Variants in NUPR1 observed in about 807,000 individuals in gnomAD.
NUPR1 encodes the protein nuclear protein 1, transcriptional regulator, also known as nuclear protein 1.
In NUPR1, 8 loss-of-function variants were observed where a neutral mutation model predicts 7.3. That is an observed-to-expected ratio of 1.09 (90% CI 0.64 to 1.97). NUPR1 has a LOEUF of 1.97. Among genes scored for constraint, NUPR1 ranks in the 30% most tolerant of loss-of-function variants. The pLI is 0.00. For missense variants in NUPR1, 96 were observed against 111.7 expected (o/e 0.86, Z 0.63); for synonymous variants, 39 against 44.5 (o/e 0.88, Z 0.49).
rs1240530852 is a variant in NUPR1, at chr16:28,534,707, T to A, written c.*2976A>T. The A allele has an allele frequency of 6.6e-6, 1 of 152,212 alleles. No individual in the cohort carries two copies. Among genetic ancestry groups the A allele is most frequent in the Non-Finnish European group, 1.5e-5 (1 of 68,040 alleles). The allele number at this position is 152,212 out of a possible 1,614,324, so 9.4% of individuals were successfully genotyped here. On this transcript the variant is annotated 3_prime_UTR_variant, in exon 3 of 3. Transcript: ENST00000324873. ...GTTGGGTGTGGCCATGTAGCCACAT[T>A]CGGAGCAGATGTGATGTGTTCTACT...
In NUPR1 at chr16:28,535,515, C is replaced by CTTTCTTTCTTTCTT. The variant is rs1555472514; in HGVS notation, c.*2154_*2167dup. On this transcript the variant is annotated 3_prime_UTR_variant, in exon 3 of 3. Coordinates refer to ENST00000324873, the MANE Select transcript of NUPR1 (RefSeq NM_012385.3). ...CCGGGGCTCGCTCTTTTCTTTCTTT[C>CTTTCTTTCTTTCTT]TTTCTTTCTTTCTTTCTTTCTTTCT... 3 of 67,674 alleles carry CTTTCTTTCTTTCTT rather than the reference C, an allele frequency of 4.4e-5. No individual in the cohort carries two copies. The Admixed American group carries it at 5.6e-4, about 13-fold the overall frequency. 4.2% of individuals were successfully genotyped at this position (67,674 alleles called of 1,614,324 possible).
At chr16:28,537,777 A>C in intron 2 of NUPR1, 108 bp from the exon 3 acceptor site, 1 of 494,734 alleles carries the variant, frequency 2.0e-6, no homozygotes, top group Non-Finnish European at 3.6e-6. Flanking sequence ...CACCCTCTCT[A>C]TCCTCAATTT....
rs2046617524 is a variant in NUPR1, at chr16:28,535,685, T to C, written c.*1998A>G. ...TCTTTCTTTTCTTTCTTCCTTCCTTTCTTTTCCTTCCTTCCTTCTTTTTCT... is the reference window on the plus strand; with the variant it reads ...TCTTTCTTTTCTTTCTTCCTTCCTTCCTTTTCCTTCCTTCCTTCTTTTTCT... On this transcript the variant is annotated 3_prime_UTR_variant, in exon 3 of 3. Transcript: ENST00000324873. 6.7e-6 allele frequency: 1 copy of C among 150,040 alleles called. No homozygotes were observed. Among genetic ancestry groups the C allele is most frequent in the South Asian group, 2.1e-4 (1 of 4,742 alleles). 9.3% of individuals were successfully genotyped at this position (150,040 alleles called of 1,614,324 possible).
rs1317803055 is a variant in NUPR1 at position 28,535,868 on chromosome 16, T to C, written c.*1815A>G. On this transcript the variant is annotated 3_prime_UTR_variant, in exon 3 of 3. Coordinates refer to ENST00000324873, the MANE Select transcript of NUPR1 (RefSeq NM_012385.3). ...CTAGGACTACAGGCATGAGCCACCA[T>C]GCTTTGCTAATTTTTAAATTTTTGT... 1 of 151,984 alleles carries C rather than the reference T, an allele frequency of 6.6e-6. No homozygotes were observed. The highest frequency in any genetic ancestry group is 1.5e-5 in the Non-Finnish European group (1 of 68,066). 9.4% of individuals were successfully genotyped at this position (151,984 alleles called of 1,614,324 possible).
rs1403953655 is a variant in NUPR1 at position 28,537,336 on chromosome 16, CAAAG to C, written c.*343_*346del. ...ACACACATGCCCGAACAAAAACACACAAAGAACAAGGATGAACACACACCCAAGC... is the reference window on the plus strand; with the variant it reads ...ACACACATGCCCGAACAAAAACACACAACAAGGATGAACACACACCCAAGC... On this transcript the variant is annotated 3_prime_UTR_variant, in exon 3 of 3. Coordinates refer to ENST00000324873, the MANE Select transcript of NUPR1 (RefSeq NM_012385.3). The C allele has an allele frequency of 6.6e-6, 1 of 152,314 alleles. No homozygotes were observed. Among genetic ancestry groups the C allele is most frequent in the Non-Finnish European group, 1.5e-5 (1 of 68,094 alleles). 9.4% of individuals were successfully genotyped at this position (152,314 alleles called of 1,614,324 possible). A position where few individuals can be genotyped will look rare whatever the true frequency, so the allele number is the denominator to read the frequency against.
rs2046615155 is a variant in NUPR1 at position 28,535,605 on chromosome 16, TTTCTTTCTTTCTTTCTTC to T, written c.*2060_*2077del. On this transcript the variant is annotated 3_prime_UTR_variant, in exon 3 of 3. Coordinates refer to ENST00000324873, the MANE Select transcript of NUPR1 (RefSeq NM_012385.3). ...CTTTCTTTCTTTCTTTCTTTCTTTCTTTCTTTCTTTCTTTCTTCTCTTTCTCTCTCTTTCTTCTTTTTC... is the reference window on the plus strand; with the variant it reads ...CTTTCTTTCTTTCTTTCTTTCTTTCTTCTTTCTCTCTCTTTCTTCTTTTTC... 2 of 6,134 alleles carry T rather than the reference TTTCTTTCTTTCTTTCTTC, an allele frequency of 3.3e-4. No individual in the cohort carries two copies. The highest frequency in any genetic ancestry group is 5.3e-3 in the Non-Finnish European group (2 of 380). 0.4% of individuals were successfully genotyped at this position (6,134 alleles called of 1,614,324 possible).
Position 28,535,514 on chromosome 16 carries a change from T to A in NUPR1, c.*2169A>T, listed in dbSNP as rs1264700073. The A allele has an allele frequency of 3.0e-5, 2 of 66,270 alleles. No individual in the cohort carries two copies. Among genetic ancestry groups the A allele is most frequent in the African/African-American group, 1.1e-4 (2 of 18,488 alleles). 4.1% of individuals were successfully genotyped at this position (66,270 alleles called of 1,614,324 possible). A position where few individuals can be genotyped will look rare whatever the true frequency, so the allele number is the denominator to read the frequency against. ...GCCGGGGCTCGCTCTTTTCTTTCTT[T>A]CTTTCTTTCTTTCTTTCTTTCTTTC... On this transcript the variant is annotated 3_prime_UTR_variant, in exon 3 of 3. Coordinates refer to ENST00000324873, the MANE Select transcript of NUPR1 (RefSeq NM_012385.3).
Position 28,535,191 on chromosome 16 carries a change from G to C in NUPR1, c.*2492C>G, listed in dbSNP as rs1310074328. 1 of 152,142 alleles carries C rather than the reference G, an allele frequency of 6.6e-6. No homozygotes were observed. Among genetic ancestry groups the C allele is most frequent in the African/African-American group, 2.4e-5 (1 of 41,424 alleles). The allele number at this position is 152,142 out of a possible 1,614,324, so 9.4% of individuals were successfully genotyped here. A position where few individuals can be genotyped will look rare whatever the true frequency, so the allele number is the denominator to read the frequency against. ...CCCACCTCATATCTGAAGACAATAA[G>C]ATCCCTGAATATGAGCCCTGAGTGA... On this transcript the variant is annotated 3_prime_UTR_variant, in exon 3 of 3. Transcript: ENST00000324873.
Position 28,535,568 on chromosome 16 carries a change from C to CTTCTTTCTTTCT in NUPR1, c.*2114_*2115insAGAAAGAAAGAA, listed in dbSNP as rs1596586532. ...CCTTCTTTCTTTCTTTCTTTCCTTCCTTCCTTTCTTTCTTTCTTTCTTTCT... is the reference window on the plus strand; with the variant it reads ...CCTTCTTTCTTTCTTTCTTTCCTTCCTTCTTTCTTTCTTTCCTTTCTTTCTTTCTTTCTTTCT... On this transcript the variant is annotated 3_prime_UTR_variant, in exon 3 of 3. Transcript: ENST00000324873. 7.1e-4 allele frequency: 25 copies of CTTCTTTCTTTCT among 34,990 alleles called. No homozygotes were observed. Among genetic ancestry groups the CTTCTTTCTTTCT allele is most frequent in the Non-Finnish European group, 1.3e-3 (18 of 13,966 alleles). The allele number at this position is 34,990 out of a possible 1,614,324, so 2.2% of individuals were successfully genotyped here.
rs557711068 is a variant in NUPR1 at position 28,535,703 on chromosome 16, C to T, written c.*1980G>A. ...CTTCCTTTCTTTTCCTTCCTTCCTT[C>T]TTTTTCTCTTTCTTTCTTTCTTTCT... On this transcript the variant is annotated 3_prime_UTR_variant, in exon 3 of 3. Coordinates refer to ENST00000324873, the MANE Select transcript of NUPR1 (RefSeq NM_012385.3). 2 of 141,442 alleles carry T rather than the reference C, an allele frequency of 1.4e-5. No homozygotes were observed. The highest frequency in any genetic ancestry group is 2.0e-4 in the East Asian group (1 of 4,898). 8.8% of individuals were successfully genotyped at this position (141,442 alleles called of 1,614,324 possible). A position where few individuals can be genotyped will look rare whatever the true frequency, so the allele number is the denominator to read the frequency against.
intron 2 of NUPR1, 67 bp from the exon 3 acceptor site, chr16:28,537,736 C>T: frequency 2.6e-6 from 1 of 387,270 alleles, no homozygotes; most frequent in Non-Finnish European, 4.8e-6. Context: ...GCCTCTCCCA[C>T]TCACTTGATT....
In NUPR1 at chr16:28,535,560, T is replaced by TTTCCTTCCTTCCTTCCTTCCTTCC. The variant is rs750713077; in HGVS notation, c.*2122_*2123insGGAAGGAAGGAAGGAAGGAAGGAA. On this transcript the variant is annotated 3_prime_UTR_variant, in exon 3 of 3. Coordinates refer to ENST00000324873, the MANE Select transcript of NUPR1 (RefSeq NM_012385.3). ...CTTTCTTTCCTTCTTTCTTTCTTTCTTTCCTTCCTTCCTTTCTTTCTTTCT... is the reference window on the plus strand; with the variant it reads ...CTTTCTTTCCTTCTTTCTTTCTTTCTTTCCTTCCTTCCTTCCTTCCTTCCTTCCTTCCTTCCTTTCTTTCTTTCT... 3.1e-4 allele frequency: 20 copies of TTTCCTTCCTTCCTTCCTTCCTTCC among 64,286 alleles called. 1 individual carries two copies. The East Asian group carries it at 5.0e-3, about 16-fold the overall frequency. 4.0% of individuals were successfully genotyped at this position (64,286 alleles called of 1,614,324 possible). A position where few individuals can be genotyped will look rare whatever the true frequency, so the allele number is the denominator to read the frequency against.
At chr16:28,538,723 G>A (rs1026704867) in intron 1 of NUPR1, 73 bp downstream of exon 1, 5 of 1,126,558 alleles carry the variant, frequency 4.4e-6, no homozygotes, top group Non-Finnish European at 6.7e-6. Flanking sequence ...AAGGAAATGA[G>A]AGGAAACAAG....
At position 28,533,788 on chromosome 16, in the gene NUPR1, G is replaced by A. The variant is rs1477735868; in HGVS notation, c.*3895C>T. On this transcript the variant is annotated 3_prime_UTR_variant, in exon 3 of 3. Transcript: ENST00000324873. ...AAAACAGAAGCTTATTTAAGGGCAG[G>A]TATGAGAGACAGATTTCAGCCCACA... is the stretch of plus-strand genomic sequence containing the variant. The A allele has an allele frequency of 2.0e-5, 3 of 152,396 alleles. No homozygotes were observed. Among genetic ancestry groups the A allele is most frequent in the African/African-American group, 4.8e-5 (2 of 41,460 alleles). The allele number at this position is 152,396 out of a possible 1,614,324, so 9.4% of individuals were successfully genotyped here.
rs1056476811 is a variant in NUPR1 at position 28,533,629 on chromosome 16, C to T, written c.*4054G>A. On this transcript the variant is annotated 3_prime_UTR_variant, in exon 3 of 3. Coordinates refer to ENST00000324873, the MANE Select transcript of NUPR1 (RefSeq NM_012385.3). ...CAAGCAATCCTCCCACCTCGGCCTC[C>T]CAAAGTGCTGGGATTGCAGGTATGA... is the stretch of plus-strand genomic sequence containing the variant. 8.5e-5 allele frequency: 13 copies of T among 152,562 alleles called. No homozygotes were observed. The highest frequency in any genetic ancestry group is 3.1e-4 in the African/African-American group (13 of 41,462). 9.5% of individuals were successfully genotyped at this position (152,562 alleles called of 1,614,324 possible).
rs1424816484 is a variant in NUPR1, at chr16:28,532,758, A to G, written c.*4925T>C. 6.6e-6 allele frequency: 1 copy of G among 152,272 alleles called. No homozygotes were observed. The highest frequency in any genetic ancestry group is 1.5e-5 in the Non-Finnish European group (1 of 68,048). 9.4% of individuals were successfully genotyped at this position (152,272 alleles called of 1,614,324 possible). A position where few individuals can be genotyped will look rare whatever the true frequency, so the allele number is the denominator to read the frequency against. On this transcript the variant is annotated 3_prime_UTR_variant, in exon 3 of 3. Coordinates refer to ENST00000324873, the MANE Select transcript of NUPR1 (RefSeq NM_012385.3). Reference sequence around the variant, plus strand: ...TGTCAATACATGGTTCTTCCCAGGCATGTAGCAAAGGGGGAAAAATCCAGG... The same window carrying G: ...TGTCAATACATGGTTCTTCCCAGGCGTGTAGCAAAGGGGGAAAAATCCAGG...
At position 28,535,596 on chromosome 16, in the gene NUPR1, C is replaced by CTTTCT. The variant is rs1567277643; in HGVS notation, c.*2082_*2086dup. 43 of 42,450 alleles carry CTTTCT rather than the reference C, an allele frequency of 1.0e-3. 1 individual carries two copies. The highest frequency in any genetic ancestry group is 6.0e-3 in the African/African-American group (39 of 6,526). The allele number at this position is 42,450 out of a possible 1,614,324, so 2.6% of individuals were successfully genotyped here. A position where few individuals can be genotyped will look rare whatever the true frequency, so the allele number is the denominator to read the frequency against. ...CCTTTCTTTCTTTCTTTCTTTCTTTCTTTCTTTCTTTCTTTCTTTCTTTCT... is the reference window on the plus strand; with the variant it reads ...CCTTTCTTTCTTTCTTTCTTTCTTTCTTTCTTTTCTTTCTTTCTTTCTTTCTTTCT... On this transcript the variant is annotated 3_prime_UTR_variant, in exon 3 of 3. Transcript: ENST00000324873.
Position 28,533,722 on chromosome 16 carries a change from C to G in NUPR1, c.*3961G>C, listed in dbSNP as rs1473685496. The G allele has an allele frequency of 6.6e-6, 1 of 152,276 alleles. No homozygotes were observed. The highest frequency in any genetic ancestry group is 2.4e-5 in the African/African-American group (1 of 41,380). 9.4% of individuals were successfully genotyped at this position (152,276 alleles called of 1,614,324 possible). On this transcript the variant is annotated 3_prime_UTR_variant, in exon 3 of 3. Transcript: ENST00000324873. ...TAAGCTGAGCCTCATGAGATGGGGT[C>G]GGGGGAGGAATTAAAGTCATCTCAG...
Position 28,533,297 on chromosome 16 carries a change from G to C in NUPR1, c.*4386C>G, listed in dbSNP as rs528285338. 1 of 152,402 alleles carries C rather than the reference G, an allele frequency of 6.6e-6. No homozygotes were observed. The highest frequency in any genetic ancestry group is 1.9e-4 in the East Asian group (1 of 5,186). 9.4% of individuals were successfully genotyped at this position (152,402 alleles called of 1,614,324 possible). ...TCCAAGGTAGACTGTAAGATTCTGG[G>C]CCCAGGCTTCCGTGTGATCCCAGAG... On this transcript the variant is annotated 3_prime_UTR_variant, in exon 3 of 3. Coordinates refer to ENST00000324873, the MANE Select transcript of NUPR1 (RefSeq NM_012385.3).
Sources: allele counts gnomAD v4.1 joint callset, GRCh38; gene constraint gnomAD v4.1.1; transcripts MANE v1.5; gene names NCBI Gene and HGNC (gene_info 2026-07-23, HGNC 2026-07-21).